Variants in CFAP54 observed in about 807,000 individuals in gnomAD.
CFAP54 encodes cilia- and flagella-associated protein 54.
In CFAP54, 290 loss-of-function variants were observed where a neutral mutation model predicts 370.4. The ratio of observed to expected loss-of-function variants is 0.78; its 90% CI spans 0.71 to 0.86. CFAP54 has a LOEUF of 0.86. Among genes scored for constraint, CFAP54 ranks in the 40% least tolerant of loss-of-function variants. The probability of loss-of-function intolerance (pLI) is 0.00; values close to 1 mark genes in which losing one functional copy is unlikely to be tolerated. For missense variants in CFAP54, 3,399 were observed against 3,528.7 expected, an observed-to-expected ratio of 0.96 and a Z score of 0.93; for synonymous variants, 1,206 against 1,236.5, an observed-to-expected ratio of 0.98 and a Z score of 0.52.
At chr12:96,645,085 T>C (rs1956773359) in intron 33 of CFAP54, 4 of 452,794 alleles carry the variant, frequency 8.8e-6, no homozygotes, top group Admixed American at 4.8e-5. Context: ...TAGGCAAATG[T>C]CTATTTCATA....
intron 1 of CFAP54, among the ~76,000 whole-genome samples, chr12:96,498,932 A>G (rs1404887855): frequency 6.6e-6 from 1 of 152,178 alleles, no homozygotes; most frequent in Non-Finnish European, 1.5e-5. Flanking sequence ...AAACTCAGCA[A>G]TAACAACAAC....
intron 66 of CFAP54, among the ~76,000 whole-genome samples, 163 bp from the exon 67 acceptor site, chr12:96,860,656 C>T (rs1959856384): frequency 6.6e-6 from 1 of 152,182 alleles, no homozygotes; most frequent in African/African-American, 2.4e-5. Flanking sequence ...ATATGTGTGC[C>T]ATTTCAGCAG....
At chr12:96,624,040 A>C (rs925808443) in intron 28 of CFAP54, among the ~76,000 whole-genome samples, 159 bp downstream of exon 28, 4 of 152,224 alleles carry the variant, frequency 2.6e-5, no homozygotes, top group African/African-American at 9.6e-5. Flanking sequence ...CCTGTTAATA[A>C]GGGATTGCTA....
chr12:96,699,668 A>G (rs1212916529), intron 45 of CFAP54, among the ~76,000 whole-genome samples: 1 of 152,156 alleles, frequency 6.6e-6, no homozygotes, highest in Non-Finnish European at 1.5e-5. Flanking sequence ...ACTTTTATAC[A>G]GCTATCATAA....
chr12:96,724,630 G>A (rs544055546), intron 50 of CFAP54, among the ~76,000 whole-genome samples: 63 of 152,146 alleles, frequency 4.1e-4, no homozygotes, highest in African/African-American at 1.5e-3. Flanking sequence ...TAGGTTGCCT[G>A]TTCACTCTGA....
chr12:96,853,436 C>T (rs1959610050), intron 66 of CFAP54, among the ~76,000 whole-genome samples: 1 of 152,062 alleles, frequency 6.6e-6, no homozygotes, highest in Admixed American at 6.6e-5. Flanking sequence ...ATTTCTTGAC[C>T]TGGGTGATGA....
intron 61 of CFAP54, among the ~76,000 whole-genome samples, 155 bp downstream of exon 61, chr12:96,785,045 G>A (rs1391401513): frequency 6.6e-6 from 1 of 152,162 alleles, no homozygotes; most frequent in African/African-American, 2.4e-5. Context: ...TGGGATACAT[G>A]CATCTTTGGA....
In CFAP54 at chr12:96,658,071, G is replaced by A. The variant is rs772539595; in HGVS notation, c.5290G>A (p.Val1764Ile). The A allele has an allele frequency of 6.2e-7, 1 of 1,613,432 alleles. No homozygotes were observed. The highest frequency in any genetic ancestry group is 1.7e-5 in the Admixed American group (1 of 59,974). Residue 1764 changes from valine to isoleucine, a missense_variant, in exon 37 of 68, where the codon GTA (valine) becomes ATA (isoleucine). This residue lies in a region of CFAP54 where 2,796 missense variants were observed against 2,869.7 expected (regional missense o/e 0.97). Coordinates refer to ENST00000524981, the MANE Select transcript of CFAP54 (RefSeq NM_001306084.2). Reference sequence around the variant, plus strand: ...TCAAGTGGAAAAATGGGAAACACTAGTATCTCTTGCCATTCAGTTCAATAC... The same window carrying A: ...TCAAGTGGAAAAATGGGAAACACTAATATCTCTTGCCATTCAGTTCAATAC... ...LYQVEKWETLVSLAIQFNTVS... is the reference protein window; with the variant it reads ...LYQVEKWETLISLAIQFNTVS...
intron 60 of CFAP54, among the ~76,000 whole-genome samples, chr12:96,773,341 G>A (rs748115862): frequency 2.0e-5 from 3 of 152,174 alleles, no homozygotes; most frequent in East Asian, 1.9e-4. Flanking sequence ...CACACCAGCC[G>A]AAGAGATGCC....
intron 43 of CFAP54, among the ~76,000 whole-genome samples, chr12:96,689,528 GA>G (rs1170795051): frequency 6.6e-6 from 1 of 152,112 alleles, no homozygotes. Flanking sequence ...TACAGATGGG[GA>G]AACTGAGTCT....
chr12:96,596,789 G>A (rs1225866658), intron 25 of CFAP54, among the ~76,000 whole-genome samples: 1 of 151,964 alleles, frequency 6.6e-6, no homozygotes, highest in African/African-American at 2.4e-5. Context: ...GCGACAGAGG[G>A]CAAGTATATA....
intron 66 of CFAP54, among the ~76,000 whole-genome samples, chr12:96,845,871 T>C (rs896264616): frequency 6.6e-6 from 1 of 152,236 alleles, no homozygotes; most frequent in Admixed American, 6.5e-5. Flanking sequence ...ACATGCTTCC[T>C]GGCTTAAGGT....
intron 39 of CFAP54, among the ~76,000 whole-genome samples, chr12:96,666,406 G>C (rs1202566551): frequency 2.6e-5 from 4 of 152,184 alleles, no homozygotes; most frequent in Non-Finnish European, 5.9e-5. Context: ...GGATTAGTCA[G>C]TTCTCATGCT....
chr12:96,511,578 A>C (rs146298272), intron 4 of CFAP54, among the ~76,000 whole-genome samples: 1,830 of 152,176 alleles, frequency 0.012, 21 homozygotes, highest in Non-Finnish European at 0.02. Context: ...TCAGCCTCCC[A>C]AAGTGCTGGG....
chr12:96,530,952 G>A (rs189181827), intron 9 of CFAP54, among the ~76,000 whole-genome samples: 1 of 152,194 alleles, frequency 6.6e-6, no homozygotes, highest in East Asian at 1.9e-4. Flanking sequence ...TTTTTCATGT[G>A]TTTATTTCCC....
intron 46 of CFAP54, among the ~76,000 whole-genome samples, chr12:96,702,812 G>A (rs1038229614): frequency 5.3e-5 from 8 of 152,172 alleles, no homozygotes; most frequent in African/African-American, 1.9e-4. Flanking sequence ...CTGCAGGCTA[G>A]TTATTTAAAG....
intron 64 of CFAP54, among the ~76,000 whole-genome samples, chr12:96,813,338 G>T (rs1267225566): frequency 6.6e-6 from 1 of 151,998 alleles, no homozygotes. Flanking sequence ...CTCTCATCCT[G>T]GGTGGCATTC....
chr12:96,713,733 TTAA>T (rs1391768076), intron 48 of CFAP54, among the ~76,000 whole-genome samples: 1 of 151,930 alleles, frequency 6.6e-6, no homozygotes, highest in Non-Finnish European at 1.5e-5. Context: ...AGGAAGAGTC[TTAA>T]TAAACAGATG....
intron 66 of CFAP54, among the ~76,000 whole-genome samples, chr12:96,853,650 A>C (rs1317742680): frequency 6.6e-6 from 1 of 152,178 alleles, no homozygotes; most frequent in Non-Finnish European, 1.5e-5. Context: ...TAAAGTTTGA[A>C]GCATCTGACT....
Sources: allele counts gnomAD v4.1 joint callset (sites outside exome capture counted in the v4.1 genomes callset), GRCh38; gene constraint gnomAD v4.1.1; regional missense constraint gnomAD v4.1.1; transcripts MANE v1.5; gene names NCBI Gene and HGNC (gene_info 2026-07-23, HGNC 2026-07-21).